The following NELL2 variants were observed in gnomAD, a reference collection of about 807,000 sequenced individuals.
NELL2 encodes the protein protein kinase C-binding protein NELL2.
Under a neutral mutation model 109.6 loss-of-function variants are expected in NELL2, and 41 were observed. The ratio of observed to expected loss-of-function variants is 0.37; its 90% CI spans 0.29 to 0.49. NELL2 has a LOEUF of 0.49. Among genes scored for constraint, NELL2 ranks in the 20% least tolerant of loss-of-function variants. The pLI is 0.98. For synonymous variants in NELL2, 355 were observed against 344.7 expected, an observed-to-expected ratio of 1.03 and a Z score of -0.33; for missense variants, 900 against 1,008.3, an observed-to-expected ratio of 0.89 and a Z score of 1.45.
chr12:44,763,657 T>C (rs1392983725), intron 9 of NELL2, among the ~76,000 whole-genome samples: 1 of 152,162 alleles, frequency 6.6e-6, no homozygotes, highest in Non-Finnish European at 1.5e-5. Flanking sequence ...TCATGAGATA[T>C]ATTTGTGCGG....
chr12:44,851,820 C>G (rs1944542901), intron 2 of NELL2: 1 of 152,182 alleles, frequency 6.6e-6, no homozygotes, highest in Non-Finnish European at 1.5e-5. Flanking sequence ...CCAGAGCCAG[C>G]AGTGCCCAGG....
chr12:44,803,055 T>A (rs912794894), intron 3 of NELL2, among the ~76,000 whole-genome samples: 1 of 152,046 alleles, frequency 6.6e-6, no homozygotes, highest in African/African-American at 2.4e-5. Flanking sequence ...GTTGACATAG[T>A]GTGCCTCCAG....
At chr12:44,649,374 T>C (rs977436930) in intron 13 of NELL2, among the ~76,000 whole-genome samples, 3 of 152,202 alleles carry the variant, frequency 2.0e-5, no homozygotes, top group African/African-American at 7.2e-5. Context: ...CAAGATGCTT[T>C]CTGTCCCATC....
At chr12:44,527,171 G>A (rs771432154) in intron 16 of NELL2, among the ~76,000 whole-genome samples, 9 of 152,078 alleles carry the variant, frequency 5.9e-5, no homozygotes, top group Non-Finnish European at 1.2e-4. Context: ...CAATCACAGC[G>A]TTGGGCTTGA....
At position 44,703,801 on chromosome 12, in the gene NELL2, T is replaced by G. The variant is rs780870338; in HGVS notation, c.1243A>C (p.Asn415His). The G allele has an allele frequency of 6.2e-7, 1 of 1,613,640 alleles. No individual in the cohort carries two copies. The highest frequency in any genetic ancestry group is 1.1e-5 in the South Asian group (1 of 91,080). Residue 415 changes from asparagine to histidine, a missense_variant, in exon 12 of 20, where the codon AAT becomes CAT. By Grantham distance (68) the Asn-to-His change is moderately conservative (BLOSUM62 1). Coordinates refer to ENST00000429094, the MANE Select transcript of NELL2 (RefSeq NM_001145108.2). ...HNCMENSICR[N>H]LNDRAVCSCR... ...CTACAAACAGCCCTGTCATTCAGAT[T>G]TCTGCAGATGGAATTCTCCATGCAG...
chr12:44,692,574 G>A (rs1012690747), intron 12 of NELL2, among the ~76,000 whole-genome samples: 1 of 151,980 alleles, frequency 6.6e-6, no homozygotes, highest in Non-Finnish European at 1.5e-5. Flanking sequence ...CAAGAATCTG[G>A]GCAAAGTAAG....
intron 12 of NELL2, among the ~76,000 whole-genome samples, chr12:44,678,215 T>G (rs1566141631): frequency 2.0e-5 from 3 of 152,028 alleles, no homozygotes; most frequent in African/African-American, 7.2e-5. Flanking sequence ...CGGTAGGCAG[T>G]CATCACCTTT....
intron 3 of NELL2, among the ~76,000 whole-genome samples, chr12:44,797,883 T>G (rs973540682): frequency 1.1e-5 from 1 of 94,040 alleles, no homozygotes; most frequent in Non-Finnish European, 2.7e-5. Flanking sequence ...GATGGAATGA[T>G]GGAATAAAAC....
intron 9 of NELL2, among the ~76,000 whole-genome samples, chr12:44,732,123 T>C (rs144986100): frequency 1.3e-3 from 205 of 152,164 alleles, no homozygotes; most frequent in African/African-American, 4.5e-3. Context: ...TTGGAAGACA[T>C]TGTTAAAATA....
chr12:44,717,367 T>C (rs1652256735), intron 9 of NELL2, among the ~76,000 whole-genome samples: 1 of 152,158 alleles, frequency 6.6e-6, no homozygotes, highest in South Asian at 2.1e-4. Context: ...GAGCTCCTAT[T>C]ACATGTTAGA....
At chr12:44,784,408 T>A (rs186492119) in intron 3 of NELL2, among the ~76,000 whole-genome samples, 1 of 151,952 alleles carries the variant, frequency 6.6e-6, no homozygotes, top group Admixed American at 6.6e-5. Flanking sequence ...AGAAAGTCAA[T>A]CTTGGCAGAT....
intron 15 of NELL2, among the ~76,000 whole-genome samples, chr12:44,563,580 G>A (rs7966066): frequency 0.57 from 86,461 of 151,990 alleles, 24,852 homozygotes; most frequent in East Asian, 0.69. Context: ...CATCATATAT[G>A]CCAGGACACA....
chr12:44,801,131 G>T (rs949863643), intron 3 of NELL2, among the ~76,000 whole-genome samples: 1 of 152,032 alleles, frequency 6.6e-6, no homozygotes, highest in African/African-American at 2.4e-5. Flanking sequence ...TTATAGAAAC[G>T]CCAAAATGCT....
intron 16 of NELL2, among the ~76,000 whole-genome samples, chr12:44,531,776 A>C (rs1942072528): frequency 6.6e-6 from 1 of 152,208 alleles, no homozygotes; most frequent in Admixed American, 6.5e-5. Flanking sequence ...GGCTCTATGA[A>C]GTTGTAAATG....
chr12:44,659,408 C>A (rs1278430749), intron 13 of NELL2, among the ~76,000 whole-genome samples: 1 of 152,096 alleles, frequency 6.6e-6, no homozygotes, highest in African/African-American at 2.4e-5. Flanking sequence ...AGTGAACAGG[C>A]AACCTACAGA....
intron 12 of NELL2, among the ~76,000 whole-genome samples, chr12:44,688,909 G>A (rs1948815756): frequency 6.6e-6 from 1 of 152,158 alleles, no homozygotes; most frequent in South Asian, 2.1e-4. Context: ...ATAAATACTT[G>A]TTTAACATTG....
chr12:44,562,400 T>A (rs1943499559), intron 15 of NELL2, among the ~76,000 whole-genome samples: 1 of 151,944 alleles, frequency 6.6e-6, no homozygotes, highest in African/African-American at 2.4e-5. Context: ...TGGGAGAAAA[T>A]CTTTGCAATC....
chr12:44,912,185 T>G (rs1018364606), intron 1 of NELL2, among the ~76,000 whole-genome samples: 10 of 151,880 alleles, frequency 6.6e-5, no homozygotes, highest in African/African-American at 2.4e-4. Flanking sequence ...AGAGATGTAG[T>G]TTATGAGGAG....
At chr12:44,528,926 A>C (rs578089542) in intron 16 of NELL2, among the ~76,000 whole-genome samples, 23 of 152,194 alleles carry the variant, frequency 1.5e-4, no homozygotes, top group Admixed American at 1.3e-4. Flanking sequence ...TCTGTTTCAT[A>C]TATTTTAGAA....
Sources: gnomAD v4.1 joint callset for allele counts (sites outside exome capture counted in the v4.1 genomes callset) on GRCh38, gnomAD v4.1.1 for gene constraint, MANE v1.5 for transcripts, NCBI Gene and HGNC (gene_info 2026-07-23, HGNC 2026-07-21) for gene names.